Variants in MYO16 observed in about 807,000 individuals in gnomAD.
MYO16 encodes myosin XVI.
In MYO16, 94 loss-of-function variants were observed where a neutral mutation model predicts 205.3. The observed-to-expected ratio is 0.46, with a 90% CI of 0.39 to 0.54. The LOEUF (loss-of-function observed/expected upper bound fraction) is 0.54, where lower values mean the gene tolerates loss of function less well. MYO16 is among the 20% of genes least tolerant of loss of function. The probability of loss-of-function intolerance (pLI) is 0.00; values close to 1 mark genes in which losing one functional copy is unlikely to be tolerated. For synonymous variants in MYO16, 988 were observed against 954.0 expected (o/e 1.04, Z -0.66); for missense variants, 2,315 against 2,387.5 (o/e 0.97, Z 0.63).
At chr13:108,966,589 A>C (rs928887011) in intron 20 of MYO16, among the ~76,000 whole-genome samples, 1 of 152,154 alleles carries the variant, frequency 6.6e-6, no homozygotes, top group African/African-American at 2.4e-5. Context: ...ATCTTTTAAA[A>C]CTTATTACTA....
chr13:108,729,981 A>G (rs1884469600), intron 4 of MYO16, among the ~76,000 whole-genome samples: 1 of 152,206 alleles, frequency 6.6e-6, no homozygotes, highest in Admixed American at 6.5e-5. Flanking sequence ...GTTACATTTC[A>G]AGCAAAATAG....
the MYO16 span, among the ~76,000 whole-genome samples, chr13:108,568,890 C>T: frequency 1.3e-5 from 2 of 151,942 alleles, no homozygotes; most frequent in Non-Finnish European, 2.9e-5. Flanking sequence ...TCTCCTTGTA[C>T]ATATGGGTAC....
chr13:109,006,917 G>A (rs1197556024), intron 21 of MYO16, among the ~76,000 whole-genome samples: 2 of 152,088 alleles, frequency 1.3e-5, no homozygotes, highest in Non-Finnish European at 2.9e-5. Flanking sequence ...ACGAAGAGTC[G>A]GGAAAGGAGA....
intron 2 of MYO16, among the ~76,000 whole-genome samples, chr13:108,705,308 G>A (rs948867603): frequency 6.6e-6 from 1 of 152,146 alleles, no homozygotes; most frequent in Non-Finnish European, 1.5e-5. Context: ...TCAGTGATCC[G>A]GGATCACCTG....
At chr13:108,997,421 G>GA (rs1460112893) in intron 21 of MYO16, among the ~76,000 whole-genome samples, 1 of 137,128 alleles carries the variant, frequency 7.3e-6, no homozygotes, top group Non-Finnish European at 1.6e-5. Flanking sequence ...GAAAGGAAAG[G>GA]AAAGGAAAGG....
chr13:108,899,934 G>A (rs984432509), intron 15 of MYO16, among the ~76,000 whole-genome samples: 5 of 152,188 alleles, frequency 3.3e-5, no homozygotes, highest in African/African-American at 4.8e-5. Context: ...AAGATTCCAG[G>A]TGATTCATGG....
At chr13:109,151,780 T>A (rs1054736073) in intron 32 of MYO16, among the ~76,000 whole-genome samples, 1 of 152,216 alleles carries the variant, frequency 6.6e-6, no homozygotes, top group Non-Finnish European at 1.5e-5. Context: ...ATGAGAAGAC[T>A]TAGGCAAAGC....
intron 2 of MYO16, among the ~76,000 whole-genome samples, chr13:108,669,494 G>A (rs1373904964): frequency 6.6e-6 from 1 of 152,116 alleles, no homozygotes; most frequent in Admixed American, 6.5e-5. Context: ...GACGTTAAGA[G>A]CTTTTTTTAA....
chr13:109,141,391 C>A lies in MYO16; in HGVS notation c.5164+15C>A. The A allele has an allele frequency of 6.9e-7, 1 of 1,449,740 alleles. No homozygotes were observed. Among genetic ancestry groups the A allele is most frequent in the Non-Finnish European group, 9.2e-7 (1 of 1,091,862 alleles). The allele number at this position is 1,449,740 out of a possible 1,614,324, so 89.8% of individuals were successfully genotyped here. A position where few individuals can be genotyped will look rare whatever the true frequency, so the allele number is the denominator to read the frequency against. ...GGAAGCAGAAGGTAAGCGGAGCAGACATCCCCCCACTCCTTTTGCATGGAC... is the reference window on the plus strand; with the variant it reads ...GGAAGCAGAAGGTAAGCGGAGCAGAAATCCCCCCACTCCTTTTGCATGGAC... On this transcript the variant is annotated intron_variant, in intron 32 of 34. Transcript: ENST00000457511. The surrounding 1 kb of genome is among the most constrained non-coding windows in gnomAD (Gnocchi z 4.1).
intron 12 of MYO16, among the ~76,000 whole-genome samples, chr13:108,866,686 C>A (rs955335782): frequency 6.6e-6 from 1 of 152,020 alleles, no homozygotes; most frequent in Admixed American, 6.5e-5. Flanking sequence ...ATTATGAGGC[C>A]CTAAAAATTA....
intron 23 of MYO16, among the ~76,000 whole-genome samples, chr13:109,032,393 T>TC (rs1401748393): frequency 6.6e-6 from 1 of 151,966 alleles, no homozygotes; most frequent in African/African-American, 2.4e-5. Flanking sequence ...GTCGCACATA[T>TC]CCCCATCCTT....
At chr13:108,642,054 G>C (rs1387883321) in intron 1 of MYO16, among the ~76,000 whole-genome samples, 1 of 152,082 alleles carries the variant, frequency 6.6e-6, no homozygotes, top group Non-Finnish European at 1.5e-5. Context: ...CTCTTCTAGG[G>C]CTTGGTACTT....
intron 2 of MYO16, among the ~76,000 whole-genome samples, chr13:108,690,474 C>A (rs1398072282): frequency 1.2e-5 from 1 of 85,780 alleles, no homozygotes; most frequent in Non-Finnish European, 2.3e-5. Flanking sequence ...TTCTGTCATG[C>A]TATGGCCTTA....
chr13:109,150,950 C>A (rs1041859848), intron 32 of MYO16, among the ~76,000 whole-genome samples: 7 of 152,172 alleles, frequency 4.6e-5, no homozygotes, highest in African/African-American at 1.7e-4. Flanking sequence ...CCACATAATA[C>A]AATATCCTGG....
At chr13:108,937,327 T>G (rs1882534453) in intron 16 of MYO16, among the ~76,000 whole-genome samples, 1 of 152,154 alleles carries the variant, frequency 6.6e-6, no homozygotes, top group Non-Finnish European at 1.5e-5. Flanking sequence ...TTGGTTAGTC[T>G]GGTAACTATA....
rs1351941463 is a variant in MYO16, at chr13:109,141,024, G to T, written c.4812G>T (p.Pro1604=). ...CCCCGCCCCCGCCCCCGCCCGGGCC[G>T]CCCCCCGCGCCCTACAGGCCCTGCG... ...TPPPPPPPPG[P]PPAPYRPCAH... The change falls in exon 32 of 35, where the codon CCG becomes CCT. Residue 1604 remains proline, a synonymous_variant. Transcript: ENST00000457511. The surrounding 1 kb of genome is among the most constrained non-coding windows in gnomAD (Gnocchi z 4.1). 1.5e-6 allele frequency: 2 copies of T among 1,314,538 alleles called. No individual in the cohort carries two copies. Among genetic ancestry groups the T allele is most frequent in the African/African-American group, 1.6e-5 (1 of 63,920 alleles). The allele number at this position is 1,314,538 out of a possible 1,614,324, so 81.4% of individuals were successfully genotyped here.
At chr13:108,776,868 C>T (rs1286718383) in intron 4 of MYO16, among the ~76,000 whole-genome samples, 1 of 152,168 alleles carries the variant, frequency 6.6e-6, no homozygotes, top group Non-Finnish European at 1.5e-5. Flanking sequence ...AAGTTTTGAG[C>T]AGAGATTTGA....
intron 4 of MYO16, among the ~76,000 whole-genome samples, chr13:108,735,000 C>T (rs997282145): frequency 2.0e-5 from 3 of 152,136 alleles, no homozygotes; most frequent in Admixed American, 6.5e-5. Context: ...GCTAGAACCC[C>T]ACGCCACCAC....
chr13:108,555,359 T>C, the MYO16 span, among the ~76,000 whole-genome samples: 9 of 152,220 alleles, frequency 5.9e-5, no homozygotes, highest in Non-Finnish European at 1.3e-4. Context: ...TTGTGTACAA[T>C]ATGATGTTTT....
Sources: gnomAD v4.1 joint callset for allele counts (sites outside exome capture counted in the v4.1 genomes callset) on GRCh38, gnomAD v4.1.1 for gene constraint, Gnocchi (gnomAD v3.1) non-coding constraint, MANE v1.5 for transcripts, NCBI Gene and HGNC (gene_info 2026-07-23, HGNC 2026-07-21) for gene names.